The following JAZF1 variants were observed in gnomAD, a reference collection of about 807,000 sequenced individuals.
JAZF1 encodes the protein JAZF zinc finger 1.
A neutral mutation model predicts 26.4 loss-of-function variants in JAZF1; 8 were observed. The ratio of observed to expected loss-of-function variants is 0.30; its 90% confidence interval spans 0.18 to 0.55. The LOEUF (loss-of-function observed/expected upper bound fraction) is 0.55, where lower values mean the gene tolerates loss of function less well. Among genes scored for constraint, JAZF1 ranks in the 20% least tolerant of loss-of-function variants. JAZF1 has a pLI of 0.94. For missense variants in JAZF1, 199 were observed against 322.0 expected (o/e 0.62, Z 2.92); for synonymous variants, 126 against 122.3 (o/e 1.03, Z -0.20).
At chr7:27,855,048 CTTTG>C (rs1335820785) in intron 3 of JAZF1, among the ~76,000 whole-genome samples, 1 of 152,122 alleles carries the variant, frequency 6.6e-6, no homozygotes, top group Non-Finnish European at 1.5e-5. Flanking sequence ...TTCTGGGAGG[CTTTG>C]TTTGTTCCTT....
intron 2 of JAZF1, among the ~76,000 whole-genome samples, chr7:27,915,068 T>C (rs1784424132): frequency 6.6e-6 from 1 of 152,204 alleles, no homozygotes. Context: ...ACTATGAGGA[T>C]GATTCCTTCA....
intron 1 of JAZF1, among the ~76,000 whole-genome samples, chr7:28,056,112 T>A (rs922837849): frequency 6.6e-6 from 1 of 151,848 alleles, no homozygotes; most frequent in Admixed American, 6.6e-5. Flanking sequence ...GTCTTCACAG[T>A]GCAGGGGCTC....
chr7:27,847,218 G>A (rs1372673114), intron 3 of JAZF1, among the ~76,000 whole-genome samples: 4 of 148,298 alleles, frequency 2.7e-5, no homozygotes, highest in Admixed American at 2.1e-4. Flanking sequence ...TCGAACTCCC[G>A]ACCTCAGGTG....
At chr7:27,834,784 A>C (rs927330405) in intron 4 of JAZF1, among the ~76,000 whole-genome samples, 5 of 152,260 alleles carry the variant, frequency 3.3e-5, no homozygotes, top group Non-Finnish European at 7.3e-5. Context: ...CTGGTGTCTT[A>C]GAGCAACTGC....
chr7:28,076,214 G>C, intron 1 of JAZF1, among the ~76,000 whole-genome samples: 1 of 152,168 alleles, frequency 6.6e-6, no homozygotes, highest in East Asian at 1.9e-4. Flanking sequence ...CAGAGCACCT[G>C]GTCCAAATTT....
intron 1 of JAZF1, among the ~76,000 whole-genome samples, chr7:28,072,201 C>T (rs577834060): frequency 1.3e-5 from 2 of 152,328 alleles, no homozygotes; most frequent in Admixed American, 1.3e-4. Context: ...TTGCCCCAAG[C>T]ATTATTCCAG....
At chr7:27,891,925 C>T (rs1783982065) in intron 3 of JAZF1, among the ~76,000 whole-genome samples, 1 of 152,214 alleles carries the variant, frequency 6.6e-6, no homozygotes, top group African/African-American at 2.4e-5. Context: ...TAAAGCTGAG[C>T]TCTAATTCAG....
chr7:27,898,939 A>C lies in JAZF1; in HGVS notation c.189-3523T>G, dbSNP rs190185356. 4.6e-3 allele frequency among the ~76,000 whole-genome samples: 696 copies of C among 152,174 alleles called. 14 individuals carry two copies. Among genetic ancestry groups the C allele is most frequent in the East Asian group, 2.3e-3 (12 of 5,174 alleles). On this transcript the variant is annotated intron_variant, in intron 2 of 4. Transcript: ENST00000283928. ...CAGCTGCACAATTTGTTCTAGTGAC[A>C]ACCATACACACACACACCCACACCA...
At chr7:27,868,704 G>A (rs142230926) in intron 3 of JAZF1, among the ~76,000 whole-genome samples, 225 of 152,320 alleles carry the variant, frequency 1.5e-3, no homozygotes, top group African/African-American at 4.8e-3. Context: ...GAAAGAGAGA[G>A]CATGGTACCC....
At position 28,177,644 on chromosome 7, in the gene JAZF1, C is replaced by T. The variant is rs541637046; in HGVS notation, c.115+2819G>A. Reference sequence around the variant, plus strand: ...ACAAGACTGTTGAACAAATTAAAAGCAAAATAACACACCTCTTATTCTTTT... The same window carrying T: ...ACAAGACTGTTGAACAAATTAAAAGTAAAATAACACACCTCTTATTCTTTT... On this transcript the variant is annotated intron_variant, in intron 1 of 4. Transcript: ENST00000283928. Among the ~76,000 whole-genome samples the T allele has an allele frequency of 4.7e-4, 72 of 152,240 alleles. 1 individual carries two copies. The highest frequency in any genetic ancestry group is 1.6e-3 in the African/African-American group (67 of 41,544).
chr7:27,937,251 A>C (rs186725742), intron 2 of JAZF1, among the ~76,000 whole-genome samples: 98 of 152,332 alleles, frequency 6.4e-4, no homozygotes, highest in Admixed American at 2.9e-3. Flanking sequence ...TAATGTTTAA[A>C]AAGGACTCCA....
At chr7:28,053,087 AGACT>A (rs1400655659) in intron 1 of JAZF1, among the ~76,000 whole-genome samples, 2 of 152,122 alleles carry the variant, frequency 1.3e-5, no homozygotes, top group African/African-American at 2.4e-5. Context: ...TGTCCTTTTG[AGACT>A]GACTTATTTT....
At chr7:28,019,845 C>A (rs1782972963) in intron 1 of JAZF1, among the ~76,000 whole-genome samples, 1 of 152,044 alleles carries the variant, frequency 6.6e-6, no homozygotes, top group Non-Finnish European at 1.5e-5. Flanking sequence ...ACAGACCGGA[C>A]TCCAAATCCA....
chr7:27,851,241 C>T (rs17155939), intron 3 of JAZF1, among the ~76,000 whole-genome samples: 5,942 of 152,254 alleles, frequency 0.039, 347 homozygotes, highest in African/African-American at 0.13. Flanking sequence ...CCAAGCCCAG[C>T]CTAAAATAAA....
chr7:27,930,566 C>T (rs1003622775), intron 2 of JAZF1, among the ~76,000 whole-genome samples: 3 of 152,110 alleles, frequency 2.0e-5, no homozygotes, highest in Non-Finnish European at 1.5e-5. Context: ...AAAGGCAATA[C>T]AACACAAGTA....
intron 2 of JAZF1, among the ~76,000 whole-genome samples, chr7:27,954,474 A>G (rs1171250797): frequency 6.6e-6 from 1 of 152,148 alleles, no homozygotes; most frequent in Non-Finnish European, 1.5e-5. Context: ...TCCATCTGCA[A>G]TATCGATCTT....
At chr7:28,031,189 G>T (rs1251688358) in intron 1 of JAZF1, among the ~76,000 whole-genome samples, 1 of 152,124 alleles carries the variant, frequency 6.6e-6, no homozygotes, top group East Asian at 1.9e-4. Flanking sequence ...TCATACATTT[G>T]ATCCTAAGAA....
At chr7:28,144,791 G>A (rs143058720) in intron 1 of JAZF1, among the ~76,000 whole-genome samples, 26 of 152,254 alleles carry the variant, frequency 1.7e-4, no homozygotes, top group Admixed American at 1.0e-3. Flanking sequence ...TGGACAGATG[G>A]ATAAAGACTC....
intron 1 of JAZF1, among the ~76,000 whole-genome samples, chr7:28,173,527 A>G (rs889089543): frequency 5.9e-5 from 9 of 152,160 alleles, no homozygotes; most frequent in Non-Finnish European, 1.3e-4. Flanking sequence ...CCTAAAATAT[A>G]TATTTATTTC....
Sources: allele counts gnomAD v4.1 joint callset (sites outside exome capture counted in the v4.1 genomes callset), GRCh38; gene constraint gnomAD v4.1.1; transcripts MANE v1.5; gene names NCBI Gene and HGNC (gene_info 2026-07-23, HGNC 2026-07-21).